The following PDE1B variants were observed in gnomAD, a reference collection of about 807,000 sequenced individuals.
PDE1B encodes the protein phosphodiesterase 1B.
Under a neutral mutation model 66.7 loss-of-function variants are expected in PDE1B, and 13 were observed. The ratio of observed to expected loss-of-function variants is 0.19; its 90% confidence interval spans 0.13 to 0.31. PDE1B has a LOEUF of 0.31. PDE1B is among the 10% of genes least tolerant of loss of function. The pLI is 1.00. For missense variants in PDE1B, 485 were observed against 682.3 expected, an observed-to-expected ratio of 0.71 and a Z score of 3.22; for synonymous variants, 230 against 253.9, an observed-to-expected ratio of 0.91 and a Z score of 0.90.
At chr12:54,556,940 G>T (rs1477518528) in intron 2 of PDE1B, among the ~76,000 whole-genome samples, 3 of 152,060 alleles carry the variant, frequency 2.0e-5, no homozygotes, top group African/African-American at 7.3e-5. Flanking sequence ...TGGCAGGCAG[G>T]ACCTGGGGAA....
At chr12:54,572,905 G>C (rs1957642611) in intron 7 of PDE1B, among the ~76,000 whole-genome samples, 164 bp downstream of exon 7, 1 of 152,214 alleles carries the variant, frequency 6.6e-6, no homozygotes, top group Non-Finnish European at 1.5e-5. Context: ...AGAATTCCCA[G>C]GTAGACTAAA....
At chr12:54,553,483 C>G (rs1353131766) in intron 2 of PDE1B, among the ~76,000 whole-genome samples, 2 of 152,308 alleles carry the variant, frequency 1.3e-5, no homozygotes, top group Non-Finnish European at 2.9e-5. Flanking sequence ...TGAGCTGGAG[C>G]AGGGACCCCA....
At chr12:54,566,307 G>GT (rs1182506980) in intron 2 of PDE1B, among the ~76,000 whole-genome samples, 1 of 152,220 alleles carries the variant, frequency 6.6e-6, no homozygotes, top group East Asian at 1.9e-4. Flanking sequence ...TCTCTCTGGT[G>GT]TAAGACTGGA....
chr12:54,557,199 C>T (rs776065677), intron 2 of PDE1B, among the ~76,000 whole-genome samples: 11 of 152,204 alleles, frequency 7.2e-5, no homozygotes, highest in Non-Finnish European at 1.2e-4. Flanking sequence ...TCAAATTGCA[C>T]TAGACACCTC....
chr12:54,559,240 A>G (rs986637473), intron 2 of PDE1B, among the ~76,000 whole-genome samples: 1 of 25,530 alleles, frequency 3.9e-5, no homozygotes, highest in Admixed American at 3.3e-4. Flanking sequence ...ACCCACCCCC[A>G]CCCCTTTACC....
At chr12:54,576,229 G>C (rs540636213) in intron 13 of PDE1B, 129 bp downstream of exon 13, 1 of 686,218 alleles carries the variant, frequency 1.5e-6, no homozygotes, top group Non-Finnish European at 2.7e-6. Context: ...TTCAAGCTTG[G>C]GAGTCCCTCT....
At chr12:54,577,513 ATCC>A in intron 15 of PDE1B, 168 bp downstream of exon 15, 1 of 1,580,226 alleles carries the variant, frequency 6.3e-7, no homozygotes, top group Non-Finnish European at 8.6e-7. Flanking sequence ...GAGCAGGGAA[ATCC>A]TCCCACGCTC....
At position 54,567,096 on chromosome 12, in the gene PDE1B, G is replaced by T; in HGVS notation, c.227+9G>T. ...TACATAGATGAGACACGGTGAGAGA[G>T]ACCGACAGACAGAGAAGGAGAAAGA... is the stretch of plus-strand genomic sequence containing the variant. On this transcript the variant is annotated intron_variant, in intron 3 of 15. Transcript: ENST00000243052. 1.5e-6 allele frequency: 2 copies of T among 1,376,978 alleles called. No homozygotes were observed. Among genetic ancestry groups the T allele is most frequent in the South Asian group, 2.4e-5 (2 of 83,628 alleles). 85.3% of individuals were successfully genotyped at this position (1,376,978 alleles called of 1,614,324 possible).
chr12:54,575,907 G>C lies in PDE1B; in HGVS notation c.1268-85G>C. 1 of 1,010,258 alleles carries C rather than the reference G, an allele frequency of 9.9e-7. No individual in the cohort carries two copies. Among genetic ancestry groups the C allele is most frequent in the Non-Finnish European group, 1.6e-6 (1 of 634,550 alleles). 62.6% of individuals were successfully genotyped at this position (1,010,258 alleles called of 1,614,324 possible). On this transcript the variant is annotated intron_variant, in intron 12 of 15. Transcript: ENST00000243052. This position sits in a 1 kb window ranked among gnomAD's most constrained non-coding sequence, Gnocchi z 4.0. ...TCCATCCTCTTTCATAAGCAGCCAG[G>C]GGTCCTGGCCATGCCAGCTGCATGC...
intron 2 of PDE1B, among the ~76,000 whole-genome samples, chr12:54,550,537 T>A (rs1321415633): frequency 1.3e-5 from 2 of 152,166 alleles, no homozygotes; most frequent in Non-Finnish European, 2.9e-5. Context: ...ACCCCATGCC[T>A]GAGCTGCTCA....
At chr12:54,553,410 C>T (rs756851092) in intron 2 of PDE1B, among the ~76,000 whole-genome samples, 13 of 152,138 alleles carry the variant, frequency 8.5e-5, no homozygotes, top group African/African-American at 1.4e-4. Context: ...CCACATGGTA[C>T]GCACTCGGGA....
intron 2 of PDE1B, among the ~76,000 whole-genome samples, chr12:54,563,923 G>T (rs1957467498): frequency 6.6e-6 from 1 of 152,140 alleles, no homozygotes; most frequent in South Asian, 2.1e-4. Flanking sequence ...TCAAGCTGAG[G>T]ATTGCTTAAG....
intron 3 of PDE1B, among the ~76,000 whole-genome samples, chr12:54,568,752 C>T (rs1388317083): frequency 1.3e-5 from 2 of 151,750 alleles, no homozygotes; most frequent in African/African-American, 2.4e-5. Flanking sequence ...GCCAAGATCG[C>T]GCCATTGCAC....
chr12:54,551,492 C>G (rs1173677370), intron 2 of PDE1B, among the ~76,000 whole-genome samples: 1 of 152,068 alleles, frequency 6.6e-6, no homozygotes, highest in Non-Finnish European at 1.5e-5. Flanking sequence ...GAAAATGACG[C>G]TGCGTTAATG....
intron 3 of PDE1B, among the ~76,000 whole-genome samples, chr12:54,568,190 G>A (rs1295647511): frequency 2.0e-5 from 3 of 152,178 alleles, no homozygotes; most frequent in South Asian, 2.1e-4. Context: ...AAGGCTGGGC[G>A]TGATGGTTCA....
chr12:54,556,508 A>G (rs534710658), intron 2 of PDE1B, among the ~76,000 whole-genome samples: 5 of 152,258 alleles, frequency 3.3e-5, no homozygotes, highest in Non-Finnish European at 7.4e-5. Context: ...CTGGGGTTGC[A>G]TCTATGGAGC....
chr12:54,563,226 T>A (rs138558619), intron 2 of PDE1B, among the ~76,000 whole-genome samples: 98 of 152,316 alleles, frequency 6.4e-4, no homozygotes, highest in African/African-American at 2.1e-3. Context: ...TTAATTAAGG[T>A]TGGACCGGCT....
chr12:54,567,329 C>A (rs1174244114), intron 3 of PDE1B, among the ~76,000 whole-genome samples: 1 of 150,022 alleles, frequency 6.7e-6, no homozygotes, highest in African/African-American at 2.5e-5. Flanking sequence ...CATGGCAAGA[C>A]CCTGTCTCTA....
At chr12:54,555,485 T>A (rs1325206594) in intron 2 of PDE1B, among the ~76,000 whole-genome samples, 1 of 152,142 alleles carries the variant, frequency 6.6e-6, no homozygotes, top group Non-Finnish European at 1.5e-5. Flanking sequence ...TGCATGGGAC[T>A]AGAAGGCCAG....
Sources: gnomAD v4.1 joint callset for allele counts (sites outside exome capture counted in the v4.1 genomes callset) on GRCh38, gnomAD v4.1.1 for gene constraint, Gnocchi (gnomAD v3.1) non-coding constraint, MANE v1.5 for transcripts, NCBI Gene and HGNC (gene_info 2026-07-23, HGNC 2026-07-21) for gene names.